The following FBXL20 variants were observed in gnomAD, a reference collection of about 807,000 sequenced individuals.
The protein encoded by FBXL20 is F-box and leucine rich repeat protein 20.
Under a neutral mutation model 64.0 loss-of-function variants are expected in FBXL20, and 11 were observed. The ratio of observed to expected loss-of-function variants is 0.17; its 90% confidence interval spans 0.11 to 0.28. FBXL20 has a LOEUF of 0.28. Among genes scored for constraint, FBXL20 ranks in the 10% least tolerant of loss-of-function variants. The probability of loss-of-function intolerance (pLI) is 1.00; values close to 1 mark genes in which losing one functional copy is unlikely to be tolerated. For missense variants in FBXL20, 303 were observed against 526.2 expected (o/e 0.58, Z 4.15); for synonymous variants, 184 against 189.0 (o/e 0.97, Z 0.22).
intron 2 of FBXL20, among the ~76,000 whole-genome samples, chr17:39,317,045 G>C (rs768298058): frequency 2.2e-4 from 33 of 152,296 alleles, no homozygotes; most frequent in Admixed American, 3.9e-4. Context: ...TTCTTGGATA[G>C]CATAATTTAA....
At chr17:39,287,102 G>A (rs540051178) in intron 6 of FBXL20, among the ~76,000 whole-genome samples, 42 of 151,564 alleles carry the variant, frequency 2.8e-4, no homozygotes, top group African/African-American at 9.9e-4. Flanking sequence ...TAGTAGAGAC[G>A]GGTTTTCACC....
intron 9 of FBXL20, among the ~76,000 whole-genome samples, chr17:39,277,175 A>C (rs554825425): frequency 2.0e-4 from 30 of 152,354 alleles, no homozygotes; most frequent in African/African-American, 7.2e-4. Context: ...ATAGATTAAA[A>C]AAATTGGATG....
At chr17:39,293,556 A>G (rs1343728466) in intron 6 of FBXL20, among the ~76,000 whole-genome samples, 6 of 152,166 alleles carry the variant, frequency 3.9e-5, no homozygotes, top group Non-Finnish European at 8.8e-5. Flanking sequence ...AAAAAATAAA[A>G]TATTTAATAG....
chr17:39,323,861 G>C (rs1041737943), intron 2 of FBXL20, among the ~76,000 whole-genome samples: 1 of 151,224 alleles, frequency 6.6e-6, no homozygotes, highest in Non-Finnish European at 1.5e-5. Context: ...CAACCTCCCA[G>C]GTTCAAGCAA....
intron 10 of FBXL20, among the ~76,000 whole-genome samples, chr17:39,273,749 G>T (rs1263544764): frequency 2.6e-5 from 4 of 150,970 alleles, no homozygotes; most frequent in African/African-American, 4.9e-5. Flanking sequence ...GAACCCAGGA[G>T]ACGGAGGTTG....
At chr17:39,300,869 T>G in intron 4 of FBXL20, 132 bp downstream of exon 4, 1 of 790,350 alleles carries the variant, frequency 1.3e-6, no homozygotes, top group Non-Finnish European at 1.9e-6. Flanking sequence ...TGGGGGTTCC[T>G]GTAAAGTTCA....
intron 1 of FBXL20, among the ~76,000 whole-genome samples, chr17:39,368,893 G>A (rs907390995): frequency 6.6e-6 from 1 of 152,064 alleles, no homozygotes; most frequent in South Asian, 2.1e-4. Flanking sequence ...CTCACCTCGT[G>A]ATCTGCCCAC....
intron 1 of FBXL20, among the ~76,000 whole-genome samples, chr17:39,346,005 G>A (rs2047629404): frequency 6.6e-6 from 1 of 152,066 alleles, no homozygotes; most frequent in South Asian, 2.1e-4. Flanking sequence ...GTGAAATCCT[G>A]TCTCTACAAA....
chr17:39,277,480 G>A (rs2046909052), intron 9 of FBXL20, among the ~76,000 whole-genome samples: 1 of 152,144 alleles, frequency 6.6e-6, no homozygotes, highest in African/African-American at 2.4e-5. Flanking sequence ...TTGTAGGCCA[G>A]GCACGGTGGC....
chr17:39,328,550 CAATCCATG>C (rs1158241528), intron 2 of FBXL20, among the ~76,000 whole-genome samples: 1 of 152,106 alleles, frequency 6.6e-6, no homozygotes, highest in Non-Finnish European at 1.5e-5. Context: ...AATATATTAG[CAATCCATG>C]AATCCATACG....
At chr17:39,279,027 T>G (rs1046728436) in intron 9 of FBXL20, among the ~76,000 whole-genome samples, 1 of 151,202 alleles carries the variant, frequency 6.6e-6, no homozygotes, top group Admixed American at 6.6e-5. Flanking sequence ...CCCTGTAATC[T>G]CAGCTACTCG....
chr17:39,308,085 C>T (rs2047198934), intron 2 of FBXL20, among the ~76,000 whole-genome samples: 1 of 151,900 alleles, frequency 6.6e-6, no homozygotes, highest in African/African-American at 2.4e-5. Flanking sequence ...TATATATAAT[C>T]CTAGCACTCT....
At chr17:39,322,534 AAAGTT>A (rs2047366831) in intron 2 of FBXL20, among the ~76,000 whole-genome samples, 1 of 152,156 alleles carries the variant, frequency 6.6e-6, no homozygotes, top group African/African-American at 2.4e-5. Flanking sequence ...GAAGTGTATA[AAAGTT>A]AAGTGGATCG....
chr17:39,297,044 T>C (rs561220464), intron 6 of FBXL20, 83 bp downstream of exon 6: 40 of 860,246 alleles, frequency 4.6e-5, no homozygotes, highest in South Asian at 9.5e-5. Flanking sequence ...ATTTGCTCAA[T>C]AGAGTTAATG....
intron 6 of FBXL20, among the ~76,000 whole-genome samples, chr17:39,288,869 A>C (rs1177635970): frequency 6.6e-6 from 1 of 151,938 alleles, no homozygotes; most frequent in Non-Finnish European, 1.5e-5. Context: ...ACACTCGGCT[A>C]ATTTTTTGTA....
chr17:39,387,499 G>A (rs575442709), intron 1 of FBXL20, among the ~76,000 whole-genome samples: 12 of 151,714 alleles, frequency 7.9e-5, no homozygotes, highest in East Asian at 3.9e-4. Context: ...GGCTGGTCTC[G>A]AACTCCTGAC....
chr17:39,317,704 T>G (rs2047309426), intron 2 of FBXL20, among the ~76,000 whole-genome samples: 2 of 62,546 alleles, frequency 3.2e-5, no homozygotes, highest in South Asian at 3.3e-4. Context: ...TTTTTTTGTT[T>G]TTTTTTTTTT....
intron 11 of FBXL20, 119 bp downstream of exon 11, chr17:39,270,677 G>T (rs182690757): frequency 2.6e-6 from 2 of 783,086 alleles, no homozygotes; most frequent in Non-Finnish European, 4.1e-6. Context: ...ATGAAACCCC[G>T]TCTCACTCAC....
At chr17:39,390,027 C>A (rs2048120064) in intron 1 of FBXL20, among the ~76,000 whole-genome samples, 1 of 152,064 alleles carries the variant, frequency 6.6e-6, no homozygotes, top group Non-Finnish European at 1.5e-5. Flanking sequence ...TTCATATTTG[C>A]CTAACAATGA....
Sources: allele counts gnomAD v4.1 joint callset (sites outside exome capture counted in the v4.1 genomes callset), GRCh38; gene constraint gnomAD v4.1.1; transcripts MANE v1.5; gene names NCBI Gene and HGNC (gene_info 2026-07-23, HGNC 2026-07-21).